The following KIAA1217 variants were observed in gnomAD, a reference collection of about 807,000 sequenced individuals.
KIAA1217 encodes KIAA1217.
In KIAA1217, 88 loss-of-function variants were observed where a neutral mutation model predicts 163.9. That is an observed-to-expected ratio of 0.54 (90% CI 0.45 to 0.64). The LOEUF is 0.64. Ranked by LOEUF, KIAA1217 falls within the 30% of genes least tolerant of loss-of-function variation. KIAA1217 has a pLI of 0.00. For synonymous variants in KIAA1217, 903 were observed against 923.1 expected (o/e 0.98, Z 0.39); for missense variants, 2,372 against 2,475.0 (o/e 0.96, Z 0.88).
chr10:24,537,852 A>C (rs563308411), intron 17 of KIAA1217, among the ~76,000 whole-genome samples: 1 of 152,320 alleles, frequency 6.6e-6, no homozygotes, highest in East Asian at 1.9e-4. Flanking sequence ...TCATTGTATA[A>C]GTAAGCACTC....
At chr10:24,209,109 C>A (rs1341041923), upstream of KIAA1217, 3 of 1,185,468 alleles carry the variant, frequency 2.5e-6, no homozygotes, top group Non-Finnish European at 3.8e-6. Flanking sequence ...AGCCCCGGGC[C>A]CCCTCCCAGG....
At chr10:23,931,370 TC>T (rs1354700782) in intron 1 of KIAA1217, among the ~76,000 whole-genome samples, 1 of 152,124 alleles carries the variant, frequency 6.6e-6, no homozygotes, top group Non-Finnish European at 1.5e-5. Context: ...TGGTGTGTCC[TC>T]CACTCACCTA....
At chr10:23,720,945 G>A (rs1837847765) in intron 1 of KIAA1217, among the ~76,000 whole-genome samples, 1 of 152,034 alleles carries the variant, frequency 6.6e-6, no homozygotes, top group Admixed American at 6.6e-5. Flanking sequence ...AAAACGAAAA[G>A]GTATGAATTC....
intron 1 of KIAA1217, among the ~76,000 whole-genome samples, chr10:23,813,682 AAC>A (rs1837180449): frequency 6.6e-6 from 1 of 152,194 alleles, no homozygotes; most frequent in Non-Finnish European, 1.5e-5. Flanking sequence ...TAAGGGCTAA[AAC>A]ACATGTGTAA....
At chr10:24,427,312 G>A (rs753101470) in intron 3 of KIAA1217, among the ~76,000 whole-genome samples, 10 of 151,072 alleles carry the variant, frequency 6.6e-5, no homozygotes, top group African/African-American at 2.4e-4. Context: ...CACCCAGCAC[G>A]CTTCAACATC....
chr10:24,397,193 C>A (rs1010214536), intron 3 of KIAA1217, among the ~76,000 whole-genome samples: 8 of 146,214 alleles, frequency 5.5e-5, no homozygotes, highest in Non-Finnish European at 1.0e-4. Flanking sequence ...CTCACTGCAA[C>A]CTCATACCTC....
intron 1 of KIAA1217, among the ~76,000 whole-genome samples, chr10:24,215,776 A>G (rs2068737705): frequency 6.6e-6 from 1 of 152,194 alleles, no homozygotes; most frequent in African/African-American, 2.4e-5. Context: ...TTGTGTGGAA[A>G]GTGGCGTTAG....
intron 14 of KIAA1217, among the ~76,000 whole-genome samples, chr10:24,531,225 T>A (rs2073071834): frequency 6.6e-6 from 1 of 152,050 alleles, no homozygotes; most frequent in Admixed American, 6.6e-5. Context: ...AATTAAAAAA[T>A]TTGTTTAATT....
intron 2 of KIAA1217, among the ~76,000 whole-genome samples, chr10:24,156,410 A>G (rs961390367): frequency 6.6e-6 from 1 of 152,196 alleles, no homozygotes; most frequent in African/African-American, 2.4e-5. Flanking sequence ...GGGCTATTGC[A>G]GATAAATCCA....
intron 3 of KIAA1217, among the ~76,000 whole-genome samples, chr10:24,398,419 G>A (rs948724410): frequency 6.6e-6 from 1 of 152,126 alleles, no homozygotes; most frequent in East Asian, 1.9e-4. Flanking sequence ...CGACTTATTG[G>A]TGGCAAATAT....
intron 3 of KIAA1217, among the ~76,000 whole-genome samples, chr10:24,415,594 C>G (rs1242536948): frequency 1.3e-5 from 2 of 152,050 alleles, no homozygotes; most frequent in African/African-American, 4.8e-5. Flanking sequence ...CACAAGCCAC[C>G]AAATGACCTA....
intron 2 of KIAA1217, among the ~76,000 whole-genome samples, chr10:24,335,432 A>G (rs2046219061): frequency 6.6e-6 from 1 of 151,658 alleles, no homozygotes; most frequent in South Asian, 2.1e-4. Flanking sequence ...AGCCGAGATT[A>G]CAGGCAGGTA....
chr10:23,838,070 T>C (rs546349629), intron 1 of KIAA1217, among the ~76,000 whole-genome samples: 2 of 152,310 alleles, frequency 1.3e-5, no homozygotes, highest in East Asian at 1.9e-4. Flanking sequence ...TCCAAATGCC[T>C]CTTTTCCATG....
At chr10:23,706,906 G>A (rs1836922389) in intron 1 of KIAA1217, among the ~76,000 whole-genome samples, 1 of 152,152 alleles carries the variant, frequency 6.6e-6, no homozygotes, top group Non-Finnish European at 1.5e-5. Context: ...AGATTCTATA[G>A]TGGGCCAAAG....
chr10:23,995,483 A>AGT (rs1846431248), intron 1 of KIAA1217, among the ~76,000 whole-genome samples: 1 of 123,190 alleles, frequency 8.1e-6, no homozygotes, highest in Non-Finnish European at 1.7e-5. Context: ...TGTGTGTGTG[A>AGT]GTGTGTGTGT....
chr10:23,881,685 T>G (rs901080612), intron 1 of KIAA1217, among the ~76,000 whole-genome samples: 2 of 151,996 alleles, frequency 1.3e-5, no homozygotes, highest in African/African-American at 2.4e-5. Flanking sequence ...TGGGGCATTA[T>G]CTACTTTATA....
At chr10:24,455,240 T>A (rs1453020597) in intron 5 of KIAA1217, among the ~76,000 whole-genome samples, 1 of 152,218 alleles carries the variant, frequency 6.6e-6, no homozygotes, top group Admixed American at 6.5e-5. Flanking sequence ...TTGATATTTT[T>A]AATTTTGGCA....
chr10:23,756,424 A>T (rs534811389), intron 1 of KIAA1217, among the ~76,000 whole-genome samples: 1 of 152,316 alleles, frequency 6.6e-6, no homozygotes, highest in African/African-American at 2.4e-5. Context: ...TAACCACGAC[A>T]TTCATTTTTA....
intron 1 of KIAA1217, among the ~76,000 whole-genome samples, chr10:23,984,266 G>A (rs1845881725): frequency 6.6e-6 from 1 of 152,154 alleles, no homozygotes; most frequent in South Asian, 2.1e-4. Flanking sequence ...TGACTAAGAA[G>A]TTATCTCTGT....
Sources: gnomAD v4.1 joint callset for allele counts (sites outside exome capture counted in the v4.1 genomes callset) on GRCh38, gnomAD v4.1.1 for gene constraint, MANE v1.5 for transcripts, NCBI Gene and HGNC (gene_info 2026-07-23, HGNC 2026-07-21) for gene names.